The following CDC25C variants were observed in gnomAD, a reference collection of about 807,000 sequenced individuals.
The protein encoded by CDC25C is M-phase inducer phosphatase 3.
A neutral mutation model predicts 52.5 loss-of-function variants in CDC25C; 48 were observed. That is an observed-to-expected ratio of 0.91 (90% CI 0.72 to 1.16). CDC25C has a LOEUF of 1.16. CDC25C is among the 50% of genes most tolerant of loss of function. The pLI is 0.00. For synonymous variants in CDC25C, 187 were observed against 206.5 expected (o/e 0.91, Z 0.81); for missense variants, 510 against 566.1 (o/e 0.90, Z 1.01).
chr5:138,329,648 C>G lies in CDC25C; in HGVS notation c.195-1G>C. 1 of 1,574,032 alleles carries G rather than the reference C, an allele frequency of 6.4e-7. No individual in the cohort carries two copies. Among genetic ancestry groups the G allele is most frequent in the Non-Finnish European group, 8.7e-7 (1 of 1,145,320 alleles). On this transcript the variant is annotated splice_acceptor_variant, in intron 2 of 13. Transcript: ENST00000323760. LOFTEE classifies it high-confidence loss of function. ...ATCGAGGCAACGTTTTGGGGTTCCTCTGTTGAGACATAATAGTACATCGAA... is the reference window on the plus strand; with the variant it reads ...ATCGAGGCAACGTTTTGGGGTTCCTGTGTTGAGACATAATAGTACATCGAA...
At chr5:138,331,502 C>G in intron 1 of CDC25C, 93 bp downstream of exon 1, 5 of 970,764 alleles carry the variant, frequency 5.2e-6, no homozygotes, top group South Asian at 2.4e-5. Flanking sequence ...CCCCATTCGG[C>G]CCTCCCAACC....
At chr5:138,288,592 A>T (rs979858668) in intron 10 of CDC25C, among the ~76,000 whole-genome samples, 2 of 152,056 alleles carry the variant, frequency 1.3e-5, no homozygotes, top group Admixed American at 6.5e-5. Flanking sequence ...GCTACTTGGG[A>T]GGCTGAGGCA....
intron 7 of CDC25C, among the ~76,000 whole-genome samples, chr5:138,297,202 C>T (rs112603462): frequency 1.9e-3 from 282 of 152,046 alleles, no homozygotes; most frequent in African/African-American, 6.1e-3. Context: ...TGAGCCACCG[C>T]GCCTGGCCAT....
intron 6 of CDC25C, among the ~76,000 whole-genome samples, chr5:138,322,241 T>G (rs1443972237): frequency 6.6e-6 from 1 of 151,470 alleles, no homozygotes; most frequent in Non-Finnish European, 1.5e-5. Context: ...GACCTTGTGA[T>G]CCGCCTGCCT....
At chr5:138,321,331 A>G (rs1349845325) in intron 6 of CDC25C, among the ~76,000 whole-genome samples, 1 of 152,164 alleles carries the variant, frequency 6.6e-6, no homozygotes, top group African/African-American at 2.4e-5. Context: ...ACACTCACAA[A>G]TAGTTAAAAT....
chr5:138,293,692 G>C (rs996897854), intron 7 of CDC25C, among the ~76,000 whole-genome samples: 1 of 149,802 alleles, frequency 6.7e-6, no homozygotes, highest in African/African-American at 2.5e-5. Flanking sequence ...TGTCACTCTG[G>C]TTGGAGTGCA....
Position 138,290,743 on chromosome 5 carries a change from G to A in CDC25C, c.763-3C>T, listed in dbSNP as rs755824986. 1 of 1,567,600 alleles carries A rather than the reference G, an allele frequency of 6.4e-7. No individual in the cohort carries two copies. The highest frequency in any genetic ancestry group is 1.7e-5 in the Admixed American group (1 of 59,904). On this transcript the variant is annotated splice_region_variant and splice_polypyrimidine_tract_variant and intron_variant, in intron 8 of 13. Coordinates refer to ENST00000323760, the MANE Select transcript of CDC25C (RefSeq NM_001790.5). ...ACTGTCTTCTTTAAACATAAGCCCT[G>A]AAGATGACAAGATTCCCACCCCACA...
chr5:138,292,286 T>G (rs1393474057), intron 7 of CDC25C, among the ~76,000 whole-genome samples, 170 bp from the exon 8 acceptor site: 1 of 152,126 alleles, frequency 6.6e-6, no homozygotes, highest in East Asian at 1.9e-4. Flanking sequence ...CCAGGTGATT[T>G]CTCAAGTTTG....
intron 6 of CDC25C, among the ~76,000 whole-genome samples, chr5:138,321,477 G>C (rs1348445301): frequency 6.6e-6 from 1 of 152,094 alleles, no homozygotes; most frequent in African/African-American, 2.4e-5. Flanking sequence ...TTAGTGGCCA[G>C]GCGCGGTGGC....
chr5:138,317,092 A>G (rs980941053), intron 7 of CDC25C, among the ~76,000 whole-genome samples: 1 of 152,108 alleles, frequency 6.6e-6, no homozygotes, highest in African/African-American at 2.4e-5. Context: ...CATCTCTACA[A>G]AAAATTTTAA....
At chr5:138,293,836 A>T (rs561007220) in intron 7 of CDC25C, among the ~76,000 whole-genome samples, 11 of 151,496 alleles carry the variant, frequency 7.3e-5, no homozygotes, top group African/African-American at 2.7e-4. Flanking sequence ...TTATAGAGAG[A>T]GGGTTTTACC....
intron 7 of CDC25C, among the ~76,000 whole-genome samples, chr5:138,303,574 T>C (rs541715207): frequency 1.3e-5 from 2 of 152,314 alleles, no homozygotes; most frequent in East Asian, 3.9e-4. Context: ...TGCTTTGCCT[T>C]CTGCTGGGAA....
chr5:138,313,991 C>CTT (rs1554117962), intron 7 of CDC25C, among the ~76,000 whole-genome samples: 1 of 106,386 alleles, frequency 9.4e-6, no homozygotes, highest in East Asian at 2.1e-4. Context: ...TTCTTTCTTT[C>CTT]TTTCTTTTTT....
intron 12 of CDC25C, among the ~76,000 whole-genome samples, 160 bp from the exon 13 acceptor site, chr5:138,286,293 C>A (rs1476881454): frequency 6.6e-6 from 1 of 152,290 alleles, no homozygotes; most frequent in Non-Finnish European, 1.5e-5. Context: ...GTAGTACCAC[C>A]CTTCCTCCTT....
At chr5:138,289,448 G>T (rs1436138573) in intron 10 of CDC25C, 53 bp downstream of exon 10, 8 of 1,293,756 alleles carry the variant, frequency 6.2e-6, no homozygotes, top group Non-Finnish European at 7.9e-6. Flanking sequence ...AGGGACAGAA[G>T]AGACCAGATG....
intron 7 of CDC25C, among the ~76,000 whole-genome samples, chr5:138,311,023 C>A (rs1309840365): frequency 6.6e-6 from 1 of 152,294 alleles, no homozygotes; most frequent in East Asian, 1.9e-4. Flanking sequence ...CAAGAAATAA[C>A]CTCTTGCATA....
Position 138,292,117 on chromosome 5 carries a change from C to T in CDC25C, c.616-1G>A, listed in dbSNP as rs138086428. 67 of 1,609,716 alleles carry T rather than the reference C, an allele frequency of 4.2e-5. No individual in the cohort carries two copies. In the African/African-American group the frequency reaches 8.4e-4, roughly 20 times the overall value. On this transcript the variant is annotated splice_acceptor_variant, in intron 7 of 13. Coordinates refer to ENST00000323760, the MANE Select transcript of CDC25C (RefSeq NM_001790.5). LOFTEE classifies it high-confidence loss of function. Reference sequence around the variant, plus strand: ...AGCGATATAGGCCACTTCTGCTCACCTGTTTGGGAATATTAAACCCCCTAG... The same window carrying T: ...AGCGATATAGGCCACTTCTGCTCACTTGTTTGGGAATATTAAACCCCCTAG...
chr5:138,329,658 A>G lies in CDC25C; in HGVS notation c.195-11T>C, dbSNP rs914021232. On this transcript the variant is annotated splice_polypyrimidine_tract_variant and intron_variant, in intron 2 of 13. Coordinates refer to ENST00000323760, the MANE Select transcript of CDC25C (RefSeq NM_001790.5). Reference sequence around the variant, plus strand: ...CGTTTTGGGGTTCCTCTGTTGAGACATAATAGTACATCGAAATTCCCATTA... The same window carrying G: ...CGTTTTGGGGTTCCTCTGTTGAGACGTAATAGTACATCGAAATTCCCATTA... 2 of 1,452,934 alleles carry G rather than the reference A, an allele frequency of 1.4e-6. No individual in the cohort carries two copies. The highest frequency in any genetic ancestry group is 1.9e-6 in the Non-Finnish European group (2 of 1,036,756). The allele number at this position is 1,452,934 out of a possible 1,614,324, so 90.0% of individuals were successfully genotyped here. A position where few individuals can be genotyped will look rare whatever the true frequency, so the allele number is the denominator to read the frequency against.
intron 6 of CDC25C, among the ~76,000 whole-genome samples, chr5:138,321,580 C>T (rs1004522844): frequency 6.6e-6 from 1 of 151,502 alleles, no homozygotes; most frequent in Non-Finnish European, 1.5e-5. Context: ...GGTGAAACCC[C>T]GTCTCTACTA....
Sources: allele counts gnomAD v4.1 joint callset (sites outside exome capture counted in the v4.1 genomes callset), GRCh38; gene constraint gnomAD v4.1.1; transcripts MANE v1.5; gene names NCBI Gene and HGNC (gene_info 2026-07-23, HGNC 2026-07-21).